ARPP21: variants seen among roughly 807,000 people sequenced by gnomAD.
The protein encoded by ARPP21 is cAMP regulated phosphoprotein 21, also known as cAMP-regulated phosphoprotein 21.
ARPP21 carries 69 observed loss-of-function variants against 113.2 expected under a neutral mutation model. The observed-to-expected ratio is 0.61, with a 90% CI of 0.50 to 0.74. ARPP21 has a LOEUF of 0.74. Ranked by LOEUF, ARPP21 falls within the 30% of genes least tolerant of loss-of-function variation. ARPP21 has a pLI of 0.00. For missense variants in ARPP21, 1,070 were observed against 1,037.4 expected (o/e 1.03, Z -0.43); for synonymous variants, 368 against 375.5 (o/e 0.98, Z 0.23).
intron 11 of ARPP21, among the ~76,000 whole-genome samples, chr3:35,714,115 A>G (rs955499369): frequency 2.0e-5 from 3 of 152,224 alleles, no homozygotes; most frequent in African/African-American, 2.4e-5. Flanking sequence ...TTTTTAAAAA[A>G]GCTATTCTCT....
At chr3:35,759,676 C>CTCTGTGTGTGTGTG (rs747297264) in intron 19 of ARPP21, among the ~76,000 whole-genome samples, 10 of 140,792 alleles carry the variant, frequency 7.1e-5, no homozygotes, top group Non-Finnish European at 1.4e-4. Flanking sequence ...TTTTCTCTCT[C>CTCTGTGTGTGTGTG]TGTGTGTGTG....
intron 2 of ARPP21, chr3:35,681,174 T>A (rs976368714): frequency 6.6e-6 from 1 of 151,906 alleles, no homozygotes; most frequent in South Asian, 2.1e-4. Context: ...CTCAAAGGTT[T>A]ATTGCCAAAA....
chr3:35,710,981 A>G (rs1422210860), intron 11 of ARPP21, among the ~76,000 whole-genome samples: 2 of 152,240 alleles, frequency 1.3e-5, no homozygotes, highest in Non-Finnish European at 2.9e-5. Flanking sequence ...GTTTTTAAAA[A>G]ATAAAAGCAC....
At chr3:35,708,582 T>G (rs1348731956) in intron 10 of ARPP21, among the ~76,000 whole-genome samples, 3 of 152,252 alleles carry the variant, frequency 2.0e-5, no homozygotes, top group Admixed American at 1.3e-4. Flanking sequence ...CCACTTCCTC[T>G]TTTTTCACCG....
intron 1 of ARPP21, among the ~76,000 whole-genome samples, chr3:35,654,767 A>G (rs1468023014): frequency 1.3e-5 from 2 of 152,110 alleles, no homozygotes; most frequent in East Asian, 3.9e-4. Flanking sequence ...TGGTGAGGAT[A>G]ACGGATGTTT....
At chr3:35,764,300 G>T (rs2095876578) in intron 19 of ARPP21, among the ~76,000 whole-genome samples, 1 of 152,086 alleles carries the variant, frequency 6.6e-6, no homozygotes, top group South Asian at 2.1e-4. Flanking sequence ...GCATGCTTTT[G>T]CATGATAAAT....
intron 1 of ARPP21, among the ~76,000 whole-genome samples, chr3:35,671,700 C>T (rs1222411373): frequency 2.0e-5 from 3 of 151,814 alleles, no homozygotes; most frequent in Non-Finnish European, 4.4e-5. Context: ...AATGACAGTT[C>T]GATGAGGACC....
chr3:35,675,115 G>C (rs1019396615), intron 1 of ARPP21, among the ~76,000 whole-genome samples: 6 of 150,982 alleles, frequency 4.0e-5, no homozygotes, highest in Admixed American at 3.3e-4. Flanking sequence ...CTAATTTCAA[G>C]CTCCTTTGCA....
In ARPP21 at chr3:35,793,462, A is replaced by G. The variant is rs148382915; in HGVS notation, c.2287-239A>G. 1.4e-4 allele frequency among the ~76,000 whole-genome samples: 21 copies of G among 152,310 alleles called. No individual in the cohort carries two copies. In the East Asian group the frequency reaches 3.9e-3, roughly 28 times the overall value. On this transcript the variant is annotated intron_variant, in intron 20 of 20. Transcript: ENST00000684406. ...GGCAGTGTGCCAGGCACTGTACACC[A>G]TCCCTTCAATCCTTTCAATGGTACT...
intron 19 of ARPP21, among the ~76,000 whole-genome samples, chr3:35,772,073 T>G (rs920359070): frequency 5.3e-5 from 8 of 152,212 alleles, no homozygotes; most frequent in Non-Finnish European, 1.0e-4. Flanking sequence ...ATGTAGCTGT[T>G]ATTTGAAGCC....
intron 16 of ARPP21, 66 bp from the exon 17 acceptor site, chr3:35,738,148 G>A: frequency 2.0e-6 from 2 of 980,628 alleles, no homozygotes; most frequent in South Asian, 2.8e-5. Flanking sequence ...GGACAGTGGT[G>A]TGCATCTTGT....
intron 19 of ARPP21, among the ~76,000 whole-genome samples, chr3:35,782,296 A>G (rs1054408622): frequency 3.3e-5 from 5 of 152,170 alleles, no homozygotes; most frequent in African/African-American, 4.8e-5. Flanking sequence ...TTGTGGGACC[A>G]TGGACTTCTC....
Position 35,739,578 on chromosome 3 carries a change from G to A in ARPP21, c.2010+1G>A, listed in dbSNP as rs527853977. ...TGTGCAACAGCCTCCGCCTGCACAG[G>A]TAGGTGTGCTTCCTCATGCCTGTGA... On this transcript the variant is annotated splice_donor_variant, in intron 18 of 20. Transcript: ENST00000684406. LOFTEE classifies it high-confidence loss of function. 6.2e-7 allele frequency: 1 copy of A among 1,607,754 alleles called. No homozygotes were observed. The highest frequency in any genetic ancestry group is 2.2e-5 in the East Asian group (1 of 44,798).
chr3:35,715,459 C>G lies in ARPP21; in HGVS notation c.918C>G (p.Ser306Arg), dbSNP rs763439655. The G allele has an allele frequency of 1.2e-6, 2 of 1,612,798 alleles. No homozygotes were observed. Among genetic ancestry groups the G allele is most frequent in the Non-Finnish European group, 1.7e-6 (2 of 1,179,326 alleles). The change falls in exon 12 of 21, where the codon AGC becomes AGG. Residue 306 changes from serine (S) to arginine (R), a missense_variant. Ser to Arg is a moderately radical substitution (Grantham distance 110). Transcript: ENST00000684406. ...FAHDSVCSQESLFVENSRLLE... is the reference protein window; with the variant it reads ...FAHDSVCSQERLFVENSRLLE... ...TTCAGTCAGTTTGCTCCCAGGAAAG[C>G]CTTTTTGTGGAAAACAGGTAAAATA...
At chr3:35,675,553 T>G (rs1472087395) in intron 1 of ARPP21, among the ~76,000 whole-genome samples, 1 of 151,910 alleles carries the variant, frequency 6.6e-6, no homozygotes, top group Non-Finnish European at 1.5e-5. Flanking sequence ...CTGATGTTTG[T>G]ATTGTTCCAG....
At chr3:35,660,199 T>A (rs903582235) in intron 1 of ARPP21, among the ~76,000 whole-genome samples, 1 of 152,188 alleles carries the variant, frequency 6.6e-6, no homozygotes, top group Non-Finnish European at 1.5e-5. Context: ...AAAAATCTTT[T>A]AAATATCTGC....
intron 19 of ARPP21, among the ~76,000 whole-genome samples, chr3:35,782,251 G>A (rs1166634188): frequency 1.3e-5 from 2 of 152,076 alleles, no homozygotes; most frequent in East Asian, 1.9e-4. Flanking sequence ...CCTATCAACC[G>A]ATCCTGTCAA....
chr3:35,667,978 G>C (rs1321783190), intron 1 of ARPP21, among the ~76,000 whole-genome samples: 9 of 139,876 alleles, frequency 6.4e-5, no homozygotes, highest in African/African-American at 2.2e-4. Context: ...AGAAGAAGAA[G>C]AAGAAGAAGA....
intron 19 of ARPP21, among the ~76,000 whole-genome samples, chr3:35,746,890 A>G (rs1376716317): frequency 6.6e-6 from 1 of 152,244 alleles, no homozygotes; most frequent in Admixed American, 6.5e-5. Context: ...TGAACTGGAC[A>G]CTATACTGTT....
Sources: allele counts gnomAD v4.1 joint callset (sites outside exome capture counted in the v4.1 genomes callset), GRCh38; gene constraint gnomAD v4.1.1; transcripts MANE v1.5; gene names NCBI Gene and HGNC (gene_info 2026-07-23, HGNC 2026-07-21).